RP1: variants seen among roughly 807,000 people sequenced by gnomAD.
The protein encoded by RP1 is oxygen-regulated protein 1.
Under a neutral mutation model 14.8 loss-of-function variants are expected in RP1, and 16 were observed. The ratio of observed to expected loss-of-function variants is 1.08; its 90% CI spans 0.73 to 1.65. RP1 has a LOEUF of 1.65. Among genes scored for constraint, RP1 ranks in the 40% most tolerant of loss-of-function variants. The probability of loss-of-function intolerance (pLI) is 0.00; values close to 1 mark genes in which losing one functional copy is unlikely to be tolerated. For synonymous variants in RP1, 876 were observed against 883.6 expected (o/e 0.99, Z 0.15); for missense variants, 2,631 against 2,535.0 (o/e 1.04, Z -0.81).
At chr8:54,816,212 C>T (rs1387503482) in intron 24 of RP1, among the ~76,000 whole-genome samples, 1 of 152,128 alleles carries the variant, frequency 6.6e-6, no homozygotes, top group Non-Finnish European at 1.5e-5. Flanking sequence ...CTTTGATGAA[C>T]TAGAATTTTG....
At chr8:54,860,877 C>T (rs1400796830) in intron 27 of RP1, among the ~76,000 whole-genome samples, 1 of 152,182 alleles carries the variant, frequency 6.6e-6, no homozygotes, top group Non-Finnish European at 1.5e-5. Flanking sequence ...ATGTAAAAAC[C>T]TTCACAGGAA....
intron 6 of RP1, among the ~76,000 whole-genome samples, chr8:54,661,040 G>A (rs1806878884): frequency 1.3e-5 from 2 of 151,514 alleles, no homozygotes; most frequent in African/African-American, 4.8e-5. Context: ...AAGCCTGAGT[G>A]TGGTGGTTTA....
chr8:54,607,494 G>T (rs1030800710), intron 1 of RP1, among the ~76,000 whole-genome samples: 2 of 152,176 alleles, frequency 1.3e-5, no homozygotes, highest in African/African-American at 4.8e-5. Context: ...GGGGGTCAGG[G>T]ACCCACTTGA....
chr8:54,750,179 A>G (rs1291199786), intron 19 of RP1, among the ~76,000 whole-genome samples: 1 of 152,150 alleles, frequency 6.6e-6, no homozygotes, highest in South Asian at 2.1e-4. Flanking sequence ...ATCCCAAATA[A>G]TTTTTAAGAA....
chr8:54,731,882 T>C (rs943373287), intron 17 of RP1, among the ~76,000 whole-genome samples: 1 of 152,186 alleles, frequency 6.6e-6, no homozygotes, highest in Non-Finnish European at 1.5e-5. Flanking sequence ...CTATTGTTTG[T>C]TCACTGGCCT....
At chr8:54,567,609 G>A in intron 1 of RP1, among the ~76,000 whole-genome samples, 1 of 151,080 alleles carries the variant, frequency 6.6e-6, no homozygotes. Context: ...TGGGAAGCTG[G>A]ACCTCACTTT....
At chr8:54,624,402 G>A (rs542359863) in intron 3 of RP1, among the ~76,000 whole-genome samples, 2 of 123,178 alleles carry the variant, frequency 1.6e-5, no homozygotes, top group Admixed American at 1.1e-4. Context: ...CCCAGATCAC[G>A]CCACTGCATT....
intron 15 of RP1, among the ~76,000 whole-genome samples, chr8:54,717,266 G>A (rs1026038460): frequency 3.3e-5 from 5 of 152,064 alleles, no homozygotes; most frequent in African/African-American, 1.2e-4. Flanking sequence ...CCTTCCATTT[G>A]GAAGCTCAAA....
intron 19 of RP1, among the ~76,000 whole-genome samples, chr8:54,753,590 A>G (rs948306875): frequency 2.0e-5 from 3 of 152,190 alleles, no homozygotes; most frequent in Non-Finnish European, 4.4e-5. Context: ...TATGAGAGGG[A>G]ATGTGGCCAG....
intron 3 of RP1, among the ~76,000 whole-genome samples, chr8:54,624,272 G>C (rs1805961115): frequency 6.6e-6 from 1 of 151,750 alleles, no homozygotes; most frequent in Non-Finnish European, 1.5e-5. Context: ...GTGAAAACCT[G>C]TCTCGATTAA....
chr8:54,860,477 T>C (rs1219041621), intron 27 of RP1, among the ~76,000 whole-genome samples: 2 of 152,244 alleles, frequency 1.3e-5, no homozygotes, highest in African/African-American at 4.8e-5. Flanking sequence ...AGCAAATTTG[T>C]AGAACTTCAA....
exon 5 of RP1, chr8:54,652,799 G>T: frequency 6.5e-7 from 1 of 1,535,716 alleles, no homozygotes; most frequent in Non-Finnish European, 8.7e-7. Context: ...GGAGACATTG[G>T]AGCACTCTTT....
At chr8:54,655,451 G>GTGTAATAGGTAACCA (rs1806735370) in intron 5 of RP1, among the ~76,000 whole-genome samples, 1 of 151,830 alleles carries the variant, frequency 6.6e-6, no homozygotes, top group African/African-American at 2.4e-5. Context: ...AATGGATCAG[G>GTGTAATAGGTAACCA]TATAAATAAT....
chr8:54,575,989 T>C (rs1382895361), intron 1 of RP1, among the ~76,000 whole-genome samples: 1 of 152,148 alleles, frequency 6.6e-6, no homozygotes, highest in Non-Finnish European at 1.5e-5. Context: ...GGTTCCCACC[T>C]GTGTGCTATT....
chr8:54,710,487 G>A (rs1808269290), intron 15 of RP1, among the ~76,000 whole-genome samples: 1 of 152,156 alleles, frequency 6.6e-6, no homozygotes, highest in African/African-American at 2.4e-5. Flanking sequence ...CGTTGTGTAG[G>A]GCAGCTGCCC....
At chr8:54,717,991 T>A (rs1264159596) in intron 15 of RP1, among the ~76,000 whole-genome samples, 1 of 152,162 alleles carries the variant, frequency 6.6e-6, no homozygotes, top group Non-Finnish European at 1.5e-5. Flanking sequence ...CCAGTTATAT[T>A]AGTATAAAAA....
chr8:54,848,722 TC>T (rs1811988410), intron 25 of RP1, among the ~76,000 whole-genome samples: 1 of 152,182 alleles, frequency 6.6e-6, no homozygotes, highest in Non-Finnish European at 1.5e-5. Flanking sequence ...GAAGAACAGT[TC>T]TTTCCCAAGA....
At chr8:54,726,369 T>C (rs1011526926) in exon 17 of RP1, 2 of 1,527,326 alleles carry the variant, frequency 1.3e-6, no homozygotes, top group African/African-American at 2.8e-5. Context: ...CCAATGGGAA[T>C]GTCTGCAACA....
intron 24 of RP1, among the ~76,000 whole-genome samples, chr8:54,813,278 G>T (rs1327960718): frequency 2.0e-5 from 3 of 152,160 alleles, no homozygotes; most frequent in African/African-American, 7.2e-5. Flanking sequence ...TAGCATGCTA[G>T]GGAAAGAATC....
Sources: gnomAD v4.1 joint callset for allele counts (sites outside exome capture counted in the v4.1 genomes callset) on GRCh38, gnomAD v4.1.1 for gene constraint, MANE v1.5 for transcripts, NCBI Gene and HGNC (gene_info 2026-07-23, HGNC 2026-07-21) for gene names.